VIPR1: variants seen among roughly 807,000 people sequenced by gnomAD.
The protein encoded by VIPR1 is vasoactive intestinal peptide receptor 1.
In VIPR1, 59 loss-of-function variants were observed where a neutral mutation model predicts 58.8. The ratio of observed to expected loss-of-function variants is 1.00; its 90% CI spans 0.81 to 1.25. VIPR1 has a LOEUF of 1.25. Ranked by LOEUF, VIPR1 falls within the 50% of genes most tolerant of loss-of-function variation. VIPR1 has a pLI of 0.00. For missense variants in VIPR1, 626 were observed against 602.7 expected (o/e 1.04, Z -0.40); for synonymous variants, 251 against 242.1 (o/e 1.04, Z -0.34).
intron 1 of VIPR1, among the ~76,000 whole-genome samples, chr3:42,496,716 C>T (rs995450718): frequency 1.3e-5 from 2 of 152,216 alleles, no homozygotes; most frequent in Non-Finnish European, 2.9e-5. Flanking sequence ...CTTAAATTCT[C>T]ACCCATTCCC....
chr3:42,498,019 C>T (rs1699799623), upstream of VIPR1, among the ~76,000 whole-genome samples: 1 of 152,212 alleles, frequency 6.6e-6, no homozygotes, highest in Admixed American at 6.5e-5. Context: ...GGTTTTTCCT[C>T]TCTGCCCAGA....
chr3:42,491,570 GTTTGTTTGTTT>G (rs144399545), intron 1 of VIPR1, among the ~76,000 whole-genome samples: 25,356 of 151,868 alleles, frequency 0.17, 2,704 homozygotes, highest in Non-Finnish European at 0.23. Context: ...TTTTTTGTTT[GTTTGTTTGTTT>G]TTTGTTTGTT....
At position 42,536,534 on chromosome 3, in the gene VIPR1, A is replaced by C. The variant is rs7636205; in HGVS notation, c.*253A>C. 0.1 allele frequency: 43,174 copies of C among 418,428 alleles called. 2,487 individuals are homozygous for C. The highest frequency in any genetic ancestry group is 0.19 in the Middle Eastern group (315 of 1,632). The allele number at this position is 418,428 out of a possible 1,614,324, so 25.9% of individuals were successfully genotyped here. ...ATTGCAGGTGGAACTCAGTCATTAGACTCCTCCTCCAAAGGCCCCCTACGC... is the reference window on the plus strand; with the variant it reads ...ATTGCAGGTGGAACTCAGTCATTAGCCTCCTCCTCCAAAGGCCCCCTACGC... On this transcript the variant is annotated 3_prime_UTR_variant, in exon 13 of 13. Coordinates refer to ENST00000325123, the MANE Select transcript of VIPR1 (RefSeq NM_004624.4).
chr3:42,536,418 T>G lies in VIPR1; in HGVS notation c.*137T>G. ...GGAGGCTGCCCCCGGCCCCCTGGTC[T>G]CTGGTCCGGACACTCCTAGAGAACG... On this transcript the variant is annotated 3_prime_UTR_variant, in exon 13 of 13. Transcript: ENST00000325123. 1 of 954,934 alleles carries G rather than the reference T, an allele frequency of 1.0e-6. No homozygotes were observed. The highest frequency in any genetic ancestry group is 1.8e-5 in the South Asian group (1 of 54,966). 59.2% of individuals were successfully genotyped at this position (954,934 alleles called of 1,614,324 possible).
intron 6 of VIPR1, chr3:42,528,526 T>A: frequency 4.6e-6 from 1 of 216,228 alleles, no homozygotes; most frequent in Non-Finnish European, 9.5e-6. Context: ...ATCTGCCACC[T>A]GCATAGCCAG....
intron 2 of VIPR1, among the ~76,000 whole-genome samples, chr3:42,518,963 CT>C (rs1277169753): frequency 6.6e-6 from 1 of 152,222 alleles, no homozygotes; most frequent in Non-Finnish European, 1.5e-5. Flanking sequence ...AAAACCACCA[CT>C]GGCATTGGAA....
chr3:42,506,180 G>T (rs1299114275), intron 1 of VIPR1, among the ~76,000 whole-genome samples: 1 of 152,236 alleles, frequency 6.6e-6, no homozygotes, highest in Non-Finnish European at 1.5e-5. Flanking sequence ...TTGGGGGTAA[G>T]GCTCCAGGCC....
chr3:42,506,216 G>C (rs191082468), intron 1 of VIPR1, among the ~76,000 whole-genome samples: 105 of 152,332 alleles, frequency 6.9e-4, no homozygotes, highest in Non-Finnish European at 3.1e-4. Flanking sequence ...GCCTCTCAGA[G>C]CAGATGGGCC....
intron 1 of VIPR1, among the ~76,000 whole-genome samples, chr3:42,495,343 C>G (rs543064903): frequency 1.3e-5 from 2 of 152,172 alleles, no homozygotes; most frequent in South Asian, 2.1e-4. Flanking sequence ...GGATGGTTTC[C>G]ATCTCCTGAC....
chr3:42,497,196 C>G (rs558578048), intron 1 of VIPR1, among the ~76,000 whole-genome samples: 1 of 152,264 alleles, frequency 6.6e-6, no homozygotes, highest in East Asian at 1.9e-4. Context: ...TGGCCTCACC[C>G]CCCTCAGGAA....
rs1371325600 is a variant in VIPR1, at chr3:42,528,141, G to A, written c.636+18G>A. 1 of 1,610,956 alleles carries A rather than the reference G, an allele frequency of 6.2e-7. No homozygotes were observed. The highest frequency in any genetic ancestry group is 8.5e-7 in the Non-Finnish European group (1 of 1,178,650). On this transcript the variant is annotated intron_variant, in intron 6 of 12. Transcript: ENST00000325123. ...AGGGCTCGGTGAGGATCCTGGCCCTGGCCCACCTCCCTCAGTCTCGCCGTT... is the reference window on the plus strand; with the variant it reads ...AGGGCTCGGTGAGGATCCTGGCCCTAGCCCACCTCCCTCAGTCTCGCCGTT...
intron 10 of VIPR1, 174 bp from the exon 11 acceptor site, chr3:42,534,801 G>A (rs997910163): frequency 4.7e-5 from 37 of 793,136 alleles, no homozygotes; most frequent in Non-Finnish European, 6.8e-5. Context: ...AGGCACTGCA[G>A]CTGTGGAACA....
intron 3 of VIPR1, among the ~76,000 whole-genome samples, chr3:42,520,373 T>C (rs945629995): frequency 1.3e-5 from 2 of 152,174 alleles, no homozygotes; most frequent in African/African-American, 4.8e-5. Flanking sequence ...CAAAGTCCAA[T>C]TTAGATTTTT....
intron 5 of VIPR1, chr3:42,527,704 T>C: frequency 3.1e-6 from 2 of 637,222 alleles, no homozygotes; most frequent in South Asian, 3.8e-5. Flanking sequence ...TCCCCTAGGA[T>C]GGCCCTGCAC....
At chr3:42,512,596 C>T (rs924098413) in intron 1 of VIPR1, among the ~76,000 whole-genome samples, 7 of 152,074 alleles carry the variant, frequency 4.6e-5, no homozygotes, top group African/African-American at 1.4e-4. Context: ...TTGAGGCCCA[C>T]GTAGCCTACA....
In VIPR1 at chr3:42,531,551, A is replaced by C. The variant is rs189528908; in HGVS notation, c.851+20A>C. 4.0e-4 allele frequency: 638 copies of C among 1,589,484 alleles called. 3 individuals carry two copies. The African/African-American group carries it at 7.2e-3, about 18-fold the overall frequency. ...TTATGGGTGAGCTGCTGCCCCACACACTCCCCCGGCCGCCATCACTTGGGC... is the reference window on the plus strand; with the variant it reads ...TTATGGGTGAGCTGCTGCCCCACACCCTCCCCCGGCCGCCATCACTTGGGC... On this transcript the variant is annotated intron_variant, in intron 8 of 12. Transcript: ENST00000325123.
chr3:42,517,954 C>A (rs1357786942), intron 2 of VIPR1, among the ~76,000 whole-genome samples: 1 of 151,698 alleles, frequency 6.6e-6, no homozygotes, highest in Non-Finnish European at 1.5e-5. Context: ...CCAGCCTGGG[C>A]GACAGAGCAA....
intron 1 of VIPR1, chr3:42,511,623 T>A (rs111700940): frequency 6.6e-6 from 1 of 151,876 alleles, no homozygotes; most frequent in Non-Finnish European, 1.5e-5. Context: ...TTATGAGAGA[T>A]AAGAATGGAC....
At chr3:42,508,047 G>T in intron 1 of VIPR1, 1 of 152,190 alleles carries the variant, frequency 6.6e-6, no homozygotes, top group Non-Finnish European at 1.5e-5. Context: ...ATCAGTACGG[G>T]GCGAAGGTAA....
Sources: allele counts gnomAD v4.1 joint callset (sites outside exome capture counted in the v4.1 genomes callset), GRCh38; gene constraint gnomAD v4.1.1; transcripts MANE v1.5; gene names NCBI Gene and HGNC (gene_info 2026-07-23, HGNC 2026-07-21).